SLC4A4: variants seen among roughly 807,000 people sequenced by gnomAD.
The protein encoded by SLC4A4 is solute carrier family 4 member 4, also known as electrogenic sodium bicarbonate cotransporter 1.
SLC4A4 carries 27 observed loss-of-function variants against 111.5 expected under a neutral mutation model. The ratio of observed to expected loss-of-function variants is 0.24; its 90% CI spans 0.18 to 0.33. SLC4A4 has a LOEUF of 0.33. Among genes scored for constraint, SLC4A4 ranks in the 10% least tolerant of loss-of-function variants. The pLI is 1.00. For synonymous variants in SLC4A4, 443 were observed against 463.4 expected, an observed-to-expected ratio of 0.96 and a Z score of 0.57; for missense variants, 909 against 1,315.5, an observed-to-expected ratio of 0.69 and a Z score of 4.78.
At chr4:71,333,540 C>A (rs2148881954) in intron 3 of SLC4A4, among the ~76,000 whole-genome samples, 1 of 152,344 alleles carries the variant, frequency 6.6e-6, no homozygotes, top group Non-Finnish European at 1.5e-5. Context: ...TGTTTGGCTA[C>A]CACCAATGTT....
chr4:71,328,682 T>C (rs562471425), intron 3 of SLC4A4, among the ~76,000 whole-genome samples: 2 of 152,154 alleles, frequency 1.3e-5, no homozygotes, highest in East Asian at 1.9e-4. Flanking sequence ...ATTTTTCCTA[T>C]TGAGTTGTTT....
chr4:71,535,563 G>C (rs1284833668), intron 18 of SLC4A4, among the ~76,000 whole-genome samples: 1 of 152,114 alleles, frequency 6.6e-6, no homozygotes, highest in East Asian at 1.9e-4. Context: ...GAAGCATGTT[G>C]ACAATGACGT....
chr4:71,455,464 C>T (rs1044132470), intron 12 of SLC4A4, among the ~76,000 whole-genome samples: 6 of 151,986 alleles, frequency 3.9e-5, no homozygotes, highest in East Asian at 3.9e-4. Flanking sequence ...TAAATGACAG[C>T]GTAAGGATAA....
intron 2 of SLC4A4, among the ~76,000 whole-genome samples, chr4:71,117,121 T>A (rs1172963518): frequency 6.6e-6 from 1 of 152,032 alleles, no homozygotes; most frequent in African/African-American, 2.4e-5. Flanking sequence ...GGCCTACAGG[T>A]GTGCACCACC....
At chr4:71,183,272 C>T (rs114167034), upstream of SLC4A4, among the ~76,000 whole-genome samples, 163 of 152,260 alleles carry the variant, frequency 1.1e-3, 2 homozygotes, top group African/African-American at 3.2e-3. Flanking sequence ...GTTTTAAAAA[C>T]GACAGTTGGA....
chr4:71,210,457 T>G (rs1718066413), intron 1 of SLC4A4, among the ~76,000 whole-genome samples: 1 of 152,182 alleles, frequency 6.6e-6, no homozygotes, highest in Non-Finnish European at 1.5e-5. Context: ...CTGAGAAACT[T>G]TAGTTTGTGG....
intron 2 of SLC4A4, among the ~76,000 whole-genome samples, chr4:71,156,135 C>G (rs1041935481): frequency 1.3e-5 from 2 of 152,146 alleles, no homozygotes; most frequent in East Asian, 3.9e-4. Flanking sequence ...CAGGGCATCA[C>G]CAGGCCAACT....
At chr4:71,263,721 A>G (rs1722033966) in intron 3 of SLC4A4, among the ~76,000 whole-genome samples, 1 of 152,222 alleles carries the variant, frequency 6.6e-6, no homozygotes, top group South Asian at 2.1e-4. Context: ...GTAGTTCTAC[A>G]ATTTGCAATA....
At chr4:71,088,331 A>G (rs1301444216) in intron 1 of SLC4A4, among the ~76,000 whole-genome samples, 2 of 151,592 alleles carry the variant, frequency 1.3e-5, no homozygotes. Flanking sequence ...TGAATATAGC[A>G]CACTGATGGG....
In SLC4A4 at chr4:71,372,061, G is replaced by T. The variant is rs149057740; in HGVS notation, c.730+14874G>T. ...ATTGTTAACATGGACTTAAAAAACT[G>T]CCAGAATATTAGCTAAAAACAAATT... On this transcript the variant is annotated intron_variant, in intron 6 of 25. Transcript: ENST00000264485. Among the ~76,000 whole-genome samples the T allele has an allele frequency of 3.1e-3, 466 of 152,260 alleles. 3 individuals are homozygous for T. Among genetic ancestry groups the T allele is most frequent in the African/African-American group, 0.011 (446 of 41,560 alleles).
intron 1 of SLC4A4, among the ~76,000 whole-genome samples, chr4:71,207,935 C>T (rs1431416415): frequency 6.6e-6 from 1 of 152,138 alleles, no homozygotes; most frequent in Non-Finnish European, 1.5e-5. Flanking sequence ...ACCTCAGCCT[C>T]CTGAGTAGCT....
chr4:71,489,598 C>T (rs1050382278), intron 15 of SLC4A4, among the ~76,000 whole-genome samples: 4 of 151,714 alleles, frequency 2.6e-5, no homozygotes, highest in Non-Finnish European at 2.9e-5. Context: ...GGTCATGCAG[C>T]CTCCATAACT....
Position 71,567,920 on chromosome 4 carries a change from T to C in SLC4A4, c.*169T>C. 1 of 1,252,676 alleles carries C rather than the reference T, an allele frequency of 8.0e-7. No individual in the cohort carries two copies. The highest frequency in any genetic ancestry group is 1.1e-6 in the Non-Finnish European group (1 of 891,750). The allele number at this position is 1,252,676 out of a possible 1,614,324, so 77.6% of individuals were successfully genotyped here. A position where few individuals can be genotyped will look rare whatever the true frequency, so the allele number is the denominator to read the frequency against. On this transcript the variant is annotated 3_prime_UTR_variant, in exon 26 of 26. Transcript: ENST00000264485. Reference sequence around the variant, plus strand: ...CTGTTTGTCTTTCTTAAAACTGACATTTGTTGTTAATGTCATTTGTTTTTG... The same window carrying C: ...CTGTTTGTCTTTCTTAAAACTGACACTTGTTGTTAATGTCATTTGTTTTTG...
chr4:71,386,230 T>C (rs544984386), intron 6 of SLC4A4, among the ~76,000 whole-genome samples: 34 of 152,272 alleles, frequency 2.2e-4, no homozygotes, highest in African/African-American at 7.9e-4. Flanking sequence ...ATTTTTATTT[T>C]CATCCTTAGT....
intron 7 of SLC4A4, among the ~76,000 whole-genome samples, chr4:71,421,151 C>A (rs1289406351): frequency 2.0e-5 from 3 of 151,088 alleles, no homozygotes; most frequent in African/African-American, 4.9e-5. Context: ...ATCTACCAAG[C>A]AAATGGAAAA....
At chr4:71,145,575 C>T (rs1744140549) in intron 2 of SLC4A4, among the ~76,000 whole-genome samples, 1 of 148,724 alleles carries the variant, frequency 6.7e-6, no homozygotes, top group African/African-American at 2.4e-5. Context: ...TCCATCTGGT[C>T]CTGGATTTTT....
chr4:71,487,042 T>TA (rs1218090710), intron 15 of SLC4A4, 24 bp downstream of exon 15: 1 of 1,319,966 alleles, frequency 7.6e-7, no homozygotes, highest in Non-Finnish European at 1.1e-6. Flanking sequence ...TATTTTAAAT[T>TA]ACCTTCATAC....
chr4:71,153,128 G>C (rs1168473297), intron 2 of SLC4A4, among the ~76,000 whole-genome samples: 4 of 151,388 alleles, frequency 2.6e-5, no homozygotes, highest in East Asian at 1.9e-4. Flanking sequence ...GCAGGCTGAG[G>C]AGCAAGGAGA....
chr4:71,448,213 A>G lies in SLC4A4; in HGVS notation c.1053+480A>G, dbSNP rs545823147. ...TGCATGCCTGTAATCCCAGCTACTC[A>G]GAAGGCTGAGGCAGGAGAATCACTA... On this transcript the variant is annotated intron_variant, in intron 9 of 25. Coordinates refer to ENST00000264485, the MANE Select transcript of SLC4A4 (RefSeq NM_001098484.3). Among the ~76,000 whole-genome samples, 101 of 151,686 alleles carry G rather than the reference A, an allele frequency of 6.7e-4. 1 individual carries two copies. Among genetic ancestry groups the G allele is most frequent in the African/African-American group, 2.2e-3 (91 of 41,420 alleles).
Sources: allele counts gnomAD v4.1 joint callset (sites outside exome capture counted in the v4.1 genomes callset), GRCh38; gene constraint gnomAD v4.1.1; transcripts MANE v1.5; gene names NCBI Gene and HGNC (gene_info 2026-07-23, HGNC 2026-07-21).